PCGF3: variants seen among roughly 807,000 people sequenced by gnomAD.
PCGF3 encodes polycomb group ring finger 3.
Under a neutral mutation model 33.1 loss-of-function variants are expected in PCGF3, and 7 were observed. The ratio of observed to expected loss-of-function variants is 0.21; its 90% CI spans 0.12 to 0.40. The LOEUF is 0.40. PCGF3 is among the 10% of genes least tolerant of loss of function. The probability of loss-of-function intolerance (pLI) is 1.00; values close to 1 mark genes in which losing one functional copy is unlikely to be tolerated. For missense variants in PCGF3, 211 were observed against 313.3 expected (o/e 0.67, Z 2.46); for synonymous variants, 153 against 121.3 (o/e 1.26, Z -1.72).
At chr4:760,817 G>A (rs570587960) in intron 8 of PCGF3, among the ~76,000 whole-genome samples, 1 of 152,344 alleles carries the variant, frequency 6.6e-6, no homozygotes, top group South Asian at 2.1e-4. Context: ...CCAAACTGCT[G>A]GTCACCTGGA....
Position 764,292 on chromosome 4 carries a change from G to GT in PCGF3, c.601-691dup, listed in dbSNP as rs1745236314. Among the ~76,000 whole-genome samples, 5 of 152,332 alleles carry GT rather than the reference G, an allele frequency of 3.3e-5. No homozygotes were observed. In the South Asian group the frequency reaches 8.3e-4, roughly 25 times the overall value. On this transcript the variant is annotated intron_variant, in intron 9 of 10. Coordinates refer to ENST00000362003, the Ensembl canonical transcript of PCGF3. ...TAAACCTTAAATTGTTCTTTAAAAA[G>GT]TCTAATTTTTTTAAAAGACTGGGGA...
At chr4:723,669 C>T (rs1743208664) in intron 1 of PCGF3, 1 of 153,776 alleles carries the variant, frequency 6.5e-6, no homozygotes, top group African/African-American at 2.4e-5. Context: ...TCCTGGAAGA[C>T]CCTCAAGACG....
At chr4:726,184 G>A (rs567888041) in intron 1 of PCGF3, among the ~76,000 whole-genome samples, 3 of 152,354 alleles carry the variant, frequency 2.0e-5, no homozygotes, top group Non-Finnish European at 4.4e-5. Context: ...CCATCTTGTC[G>A]GGTTTTTAAT....
intron 9 of PCGF3, chr4:761,788 A>T: frequency 1.0e-6 from 1 of 985,380 alleles, no homozygotes; most frequent in Non-Finnish European, 1.2e-6. Context: ...GTGTAAGGAG[A>T]CGAAGGAGTG....
At chr4:744,142 C>G (rs780265135) in intron 7 of PCGF3, among the ~76,000 whole-genome samples, 1 of 152,292 alleles carries the variant, frequency 6.6e-6, no homozygotes, top group East Asian at 1.9e-4. Flanking sequence ...AGCCATGAGG[C>G]GTGGTTAGGA....
exon 11 of PCGF3, chr4:768,996 C>T (rs1745502243): frequency 6.5e-6 from 1 of 152,682 alleles, no homozygotes; most frequent in Admixed American, 6.5e-5. Context: ...AAAATATGTA[C>T]ATTCAGCTGT....
chr4:706,684 G>T (rs537516276), intron 1 of PCGF3, among the ~76,000 whole-genome samples: 72 of 129,088 alleles, frequency 5.6e-4, no homozygotes, highest in African/African-American at 2.0e-3. Flanking sequence ...GCAGGACCGC[G>T]GGAGGGCAGG....
intron 6 of PCGF3, among the ~76,000 whole-genome samples, chr4:740,905 G>A (rs964602060): frequency 3.3e-5 from 5 of 152,168 alleles, no homozygotes; most frequent in East Asian, 1.9e-4. Context: ...CCTCTGCACC[G>A]TGGCTGGAAC....
At chr4:750,767 C>T (rs767294927) in intron 8 of PCGF3, among the ~76,000 whole-genome samples, 2 of 152,114 alleles carry the variant, frequency 1.3e-5, no homozygotes, top group African/African-American at 2.4e-5. Flanking sequence ...GCTTAGGAGC[C>T]GTGCTGCTGG....
chr4:731,445 G>T lies in PCGF3; in HGVS notation c.-10+335G>T, dbSNP rs11946444. On this transcript the variant is annotated intron_variant, in intron 3 of 10. Coordinates refer to ENST00000362003, the Ensembl canonical transcript of PCGF3. ...CAGTGAGTTGTGAGGCGGTCGGCTA[G>T]CATCCTGCAGGGAGGTCCTCAGGGG... 3.7e-3 allele frequency: 1,239 copies of T among 334,382 alleles called. 15 individuals are homozygous for T. The highest frequency in any genetic ancestry group is 0.024 in the African/African-American group (1,136 of 47,046). The allele number at this position is 334,382 out of a possible 1,614,324, so 20.7% of individuals were successfully genotyped here.
At chr4:722,027 G>A (rs931257030) in intron 1 of PCGF3, among the ~76,000 whole-genome samples, 15 of 152,146 alleles carry the variant, frequency 9.9e-5, no homozygotes, top group African/African-American at 9.7e-5. Flanking sequence ...CAGCTCCTTC[G>A]TTGCAGAAAC....
intron 1 of PCGF3, among the ~76,000 whole-genome samples, chr4:707,844 T>C (rs200590785): frequency 0.034 from 1,456 of 43,150 alleles, 33 homozygotes; most frequent in East Asian, 0.053. Context: ...CCCCTGGGGG[T>C]CGGGACCCTG....
In PCGF3 at chr4:765,470, T is replaced by A. The variant is rs138729924; in HGVS notation, c.681+406T>A. On this transcript the variant is annotated intron_variant, in intron 10 of 10. Coordinates refer to ENST00000362003, the Ensembl canonical transcript of PCGF3. ...AAAGTGATGACTCAGCTACAGAAAT[T>A]GTTGTGAAACACAGTTCTGGTCTTT... Among the ~76,000 whole-genome samples the A allele has an allele frequency of 5.5e-4, 83 of 150,680 alleles. 1 individual carries two copies. Among genetic ancestry groups the A allele is most frequent in the African/African-American group, 1.9e-3 (80 of 41,248 alleles).
At chr4:763,130 G>A (rs1433492990) in intron 9 of PCGF3, among the ~76,000 whole-genome samples, 2 of 152,110 alleles carry the variant, frequency 1.3e-5, no homozygotes, top group African/African-American at 4.8e-5. Flanking sequence ...GAGAAACCAA[G>A]TCAGGACACG....
rs765225335 is a variant in PCGF3, at chr4:733,665, C to T, written c.-9-7C>T. 69 of 1,596,622 alleles carry T rather than the reference C, an allele frequency of 4.3e-5. No homozygotes were observed. Among genetic ancestry groups the T allele is most frequent in the Non-Finnish European group, 5.7e-5 (67 of 1,176,418 alleles). The stretch of plus-strand genomic sequence containing the variant: ...CAGGTGTTAATTAATCGCGTTTTCT[C>T]TTGTAGAAGCCAAAGATGTTGACCA... On this transcript the variant is annotated splice_region_variant and splice_polypyrimidine_tract_variant and intron_variant, in intron 3 of 10. Transcript: ENST00000362003.
At chr4:756,857 T>C (rs529093599) in intron 8 of PCGF3, among the ~76,000 whole-genome samples, 1 of 152,196 alleles carries the variant, frequency 6.6e-6, no homozygotes, top group East Asian at 1.9e-4. Flanking sequence ...GGAAACCATC[T>C]GAGACTGCCA....
At chr4:708,412 C>T (rs1344298109) in intron 1 of PCGF3, among the ~76,000 whole-genome samples, 1 of 152,138 alleles carries the variant, frequency 6.6e-6, no homozygotes, top group Non-Finnish European at 1.5e-5. Flanking sequence ...TGAATCTGCC[C>T]AGTCCACTCA....
At chr4:766,229 CAACAA>C (rs983816603) in exon 11 of PCGF3, 13 of 626,578 alleles carry the variant, frequency 2.1e-5, no homozygotes, top group African/African-American at 2.0e-4. Flanking sequence ...AATTCACACT[CAACAA>C]GACACTACCA....
intron 1 of PCGF3, among the ~76,000 whole-genome samples, chr4:710,853 T>G (rs929871799): frequency 2.6e-5 from 4 of 152,238 alleles, no homozygotes. Flanking sequence ...ATTTTCTTCC[T>G]GCCAGTGATT....
Sources: gnomAD v4.1 joint callset for allele counts (sites outside exome capture counted in the v4.1 genomes callset) on GRCh38, gnomAD v4.1.1 for gene constraint, MANE v1.5 for transcripts, NCBI Gene and HGNC (gene_info 2026-07-23, HGNC 2026-07-21) for gene names.